SESN3: variants seen among roughly 807,000 people sequenced by gnomAD.
The protein encoded by SESN3 is sestrin 3.
In SESN3, 21 loss-of-function variants were observed where a neutral mutation model predicts 55.3. That is an observed-to-expected ratio of 0.38 (90% CI 0.27 to 0.55). SESN3 has a LOEUF of 0.55. Among genes scored for constraint, SESN3 ranks in the 20% least tolerant of loss-of-function variants. The pLI is 0.76. For missense variants in SESN3, 408 were observed against 604.3 expected (o/e 0.68, Z 3.41); for synonymous variants, 181 against 203.1 (o/e 0.89, Z 0.93).
intron 1 of SESN3, among the ~76,000 whole-genome samples, chr11:95,228,600 A>T (rs1860992015): frequency 6.6e-6 from 1 of 152,194 alleles, no homozygotes; most frequent in African/African-American, 2.4e-5. Flanking sequence ...AAACATTTAA[A>T]ATGCTACATA....
At position 95,185,262 on chromosome 11, in the gene SESN3, G is replaced by A. The variant is rs138689867; in HGVS notation, c.756C>T (p.Asn252=). 6 of 1,595,408 alleles carry A rather than the reference G, an allele frequency of 3.8e-6. No homozygotes were observed. The African/African-American group carries it at 5.4e-5, about 14-fold the overall frequency. ...AATAGCTAAGAAAACTAACCCCAAAGTTGCTGCCTGAAAGAGATGCATTCT... is the reference window on the plus strand; with the variant it reads ...AATAGCTAAGAAAACTAACCCCAAAATTGCTGCCTGAAAGAGATGCATTCT... The part of the protein sequence containing the change: ...NIENASLSGS[N]FGIVDSLSEL... Residue 252 remains asparagine, a synonymous_variant, in exon 5 of 10, where the codon AAC becomes AAT. Coordinates refer to ENST00000536441, the MANE Select transcript of SESN3 (RefSeq NM_144665.4).
chr11:95,178,905 T>C, intron 6 of SESN3, 77 bp from the exon 7 acceptor site: 1 of 802,056 alleles, frequency 1.2e-6, no homozygotes, highest in Admixed American at 2.1e-5. Context: ...TCCATTTTCT[T>C]CCACTTTTTA....
chr11:95,197,886 C>A (rs2134241512), intron 1 of SESN3, among the ~76,000 whole-genome samples: 1 of 152,278 alleles, frequency 6.6e-6, no homozygotes, highest in East Asian at 1.9e-4. Context: ...CTTCTCCGCC[C>A]TCCAGTCTGG....
At chr11:95,228,359 CA>C (rs1430186459) in intron 1 of SESN3, among the ~76,000 whole-genome samples, 1 of 152,174 alleles carries the variant, frequency 6.6e-6, no homozygotes. Flanking sequence ...AAGTAATTCA[CA>C]CTGGATGAGC....
chr11:95,200,831 T>A (rs1411146655), intron 1 of SESN3: 2 of 152,058 alleles, frequency 1.3e-5, no homozygotes, highest in African/African-American at 4.8e-5. Flanking sequence ...CATATGAAAT[T>A]CGATTTTTAA....
At chr11:95,195,938 C>A (rs626481) in intron 1 of SESN3, among the ~76,000 whole-genome samples, 76,385 of 151,902 alleles carry the variant, frequency 0.5, 19,359 homozygotes, top group East Asian at 0.62. Flanking sequence ...TTGTATGCTT[C>A]TTTGTAGTAA....
chr11:95,166,187 TAGAGTA>T lies in SESN3; in HGVS notation c.*7062_*7067del, dbSNP rs1283689059. 6.6e-6 allele frequency: 1 copy of T among 151,730 alleles called. No individual in the cohort carries two copies. The highest frequency in any genetic ancestry group is 1.5e-5 in the Non-Finnish European group (1 of 67,974). 9.4% of individuals were successfully genotyped at this position (151,730 alleles called of 1,614,324 possible). The stretch of plus-strand genomic sequence containing the variant: ...AAGCTTATTCTAATTTAAAACCTTA[TAGAGTA>T]AGAGACTGATATATATAGCAGTCTT... On this transcript the variant is annotated 3_prime_UTR_variant, in exon 10 of 10. Coordinates refer to ENST00000536441, the MANE Select transcript of SESN3 (RefSeq NM_144665.4).
rs1359501581 is a variant in SESN3, at chr11:95,185,730, T to C, written c.526-238A>G. The stretch of plus-strand genomic sequence containing the variant: ...TAAATCCCTTATTATACAATAAATC[T>C]TCTGCTTCCAAATCATTTTTTATAT... On this transcript the variant is annotated intron_variant, in intron 4 of 9. Coordinates refer to ENST00000536441, the MANE Select transcript of SESN3 (RefSeq NM_144665.4). Among the ~76,000 whole-genome samples, 3 of 152,074 alleles carry C rather than the reference T, an allele frequency of 2.0e-5. No homozygotes were observed. In the East Asian group the frequency reaches 5.8e-4, roughly 29 times the overall value.
intron 2 of SESN3, 51 bp downstream of exon 2, chr11:95,193,400 ATACAGT>A: frequency 9.8e-7 from 1 of 1,015,248 alleles, no homozygotes; most frequent in Non-Finnish European, 1.5e-6. Context: ...ATATTCTTTG[ATACAGT>A]TAAGTTATTT....
intron 1 of SESN3, among the ~76,000 whole-genome samples, chr11:95,194,159 A>G (rs2134237768): frequency 6.6e-6 from 1 of 152,102 alleles, no homozygotes; most frequent in South Asian, 2.1e-4. Flanking sequence ...AGTTTTTAAA[A>G]ATTTGTTAAC....
chr11:95,191,844 G>A (rs906888003), intron 2 of SESN3, among the ~76,000 whole-genome samples: 9 of 152,028 alleles, frequency 5.9e-5, no homozygotes, highest in Non-Finnish European at 1.0e-4. Flanking sequence ...ACACAGCTAT[G>A]AATGAAGAAA....
intron 1 of SESN3, among the ~76,000 whole-genome samples, chr11:95,208,155 G>A (rs1251165374): frequency 6.6e-6 from 1 of 151,422 alleles, no homozygotes; most frequent in Non-Finnish European, 1.5e-5. Flanking sequence ...GGTGAGAGTA[G>A]TCTTTTAAAT....
rs550613820 is a variant in SESN3 at position 95,212,501 on chromosome 11, T to C, written c.78+18282A>G. On this transcript the variant is annotated intron_variant, in intron 1 of 9. Coordinates refer to ENST00000536441, the MANE Select transcript of SESN3 (RefSeq NM_144665.4). ...TTCAGTTCCTAATAGATAATATCTC[T>C]AGATTAACACACAGTGCTCAGATTA... 1.5e-4 allele frequency among the ~76,000 whole-genome samples: 23 copies of C among 151,362 alleles called. No individual in the cohort carries two copies. In the South Asian group the frequency reaches 4.3e-3, roughly 29 times the overall value.
At position 95,168,118 on chromosome 11, in the gene SESN3, C is replaced by A. The variant is rs1037921274; in HGVS notation, c.*5137G>T. On this transcript the variant is annotated 3_prime_UTR_variant, in exon 10 of 10. Transcript: ENST00000536441. ...GTGATCCCATAGGACCATCTAAATA[C>A]CCTTTGCCATATGTCATTCTATTAG... 8.5e-5 allele frequency: 13 copies of A among 152,134 alleles called. No homozygotes were observed. Among genetic ancestry groups the A allele is most frequent in the African/African-American group, 2.7e-4 (11 of 41,422 alleles). The allele number at this position is 152,134 out of a possible 1,614,324, so 9.4% of individuals were successfully genotyped here. A position where few individuals can be genotyped will look rare whatever the true frequency, so the allele number is the denominator to read the frequency against.
At chr11:95,204,076 A>T (rs1327010524) in intron 1 of SESN3, 1 of 152,174 alleles carries the variant, frequency 6.6e-6, no homozygotes, top group Non-Finnish European at 1.5e-5. Context: ...TTAGAAATGT[A>T]TACTAAAGTA....
chr11:95,190,972 T>C (rs1358364114), intron 3 of SESN3, among the ~76,000 whole-genome samples: 1 of 152,034 alleles, frequency 6.6e-6, no homozygotes, highest in African/African-American at 2.4e-5. Context: ...TCTTCTCTCA[T>C]TCAGATTCTC....
intron 4 of SESN3, among the ~76,000 whole-genome samples, chr11:95,187,825 A>G (rs950602059): frequency 6.6e-6 from 1 of 151,794 alleles, no homozygotes; most frequent in African/African-American, 2.4e-5. Flanking sequence ...GTAAGTGGAC[A>G]TCACTTTGTG....
intron 1 of SESN3, among the ~76,000 whole-genome samples, chr11:95,193,912 A>AT (rs1860313183): frequency 6.6e-6 from 1 of 152,212 alleles, no homozygotes; most frequent in Non-Finnish European, 1.5e-5. Flanking sequence ...AGAAGATTAC[A>AT]TAACAACCCT....
intron 1 of SESN3, among the ~76,000 whole-genome samples, chr11:95,208,530 T>TGG (rs1467833819): frequency 6.6e-6 from 1 of 151,280 alleles, no homozygotes; most frequent in Non-Finnish European, 1.5e-5. Flanking sequence ...CTCACTTAAA[T>TGG]GGCTACCATT....
Sources: gnomAD v4.1 joint callset for allele counts (sites outside exome capture counted in the v4.1 genomes callset) on GRCh38, gnomAD v4.1.1 for gene constraint, MANE v1.5 for transcripts, NCBI Gene and HGNC (gene_info 2026-07-23, HGNC 2026-07-21) for gene names.